The following GRIP1 variants were observed in gnomAD, a reference collection of about 807,000 sequenced individuals.
GRIP1 encodes the protein glutamate receptor-interacting protein 1.
A neutral mutation model predicts 129.9 loss-of-function variants in GRIP1; 45 were observed. The ratio of observed to expected loss-of-function variants is 0.35; its 90% CI spans 0.27 to 0.44. The LOEUF is 0.44. GRIP1 is among the 20% of genes least tolerant of loss of function. The pLI is 1.00. For missense variants in GRIP1, 1,196 were observed against 1,396.8 expected (o/e 0.86, Z 2.29); for synonymous variants, 530 against 520.8 (o/e 1.02, Z -0.24).
chr12:66,435,593 T>C (rs375384094), intron 13 of GRIP1, among the ~76,000 whole-genome samples: 11 of 152,214 alleles, frequency 7.2e-5, no homozygotes, highest in East Asian at 5.8e-4. Context: ...TCTGTATATC[T>C]GTATACGTAT....
chr12:66,827,555 G>T (rs1237102142), intron 1 of GRIP1, among the ~76,000 whole-genome samples: 2 of 152,082 alleles, frequency 1.3e-5, no homozygotes, highest in Non-Finnish European at 2.9e-5. Context: ...CAAGTCACAG[G>T]TGCTATCCAC....
intron 13 of GRIP1, among the ~76,000 whole-genome samples, chr12:66,440,360 T>C (rs2058437804): frequency 6.6e-6 from 1 of 152,182 alleles, no homozygotes; most frequent in South Asian, 2.1e-4. Context: ...GATTAAATTA[T>C]TTTTTACTTC....
In GRIP1 at chr12:66,353,425, G is replaced by C; in HGVS notation, c.3151C>G (p.Leu1051Val). 6.2e-7 allele frequency: 1 copy of C among 1,610,000 alleles called. No homozygotes were observed. Among genetic ancestry groups the C allele is most frequent in the Non-Finnish European group, 8.5e-7 (1 of 1,176,268 alleles). The change falls in exon 24 of 25, where the codon CTC (leucine) becomes GTC (valine). Residue 1051 changes from leucine (L) to valine (V), a missense_variant. By Grantham distance (32) the Leu-to-Val change is conservative. Transcript: ENST00000359742. ...TCCACCTGAGGTCTTACCTGTAAGA[G>C]CCTGTCATAGGGCTTTAAGCCACCA... is the stretch of plus-strand genomic sequence containing the variant. ...DLGGLKPYDR[L>V]LQVNHVRTRD... is the part of the protein sequence containing the mutation.
chr12:66,402,716 T>C (rs1035201684), intron 16 of GRIP1, among the ~76,000 whole-genome samples: 3 of 152,188 alleles, frequency 2.0e-5, no homozygotes, highest in African/African-American at 7.2e-5. Flanking sequence ...GTGGAGAATA[T>C]ACGCTGAATA....
chr12:66,964,939 GTGT>G (rs1365010573), intron 1 of GRIP1, among the ~76,000 whole-genome samples: 14 of 151,944 alleles, frequency 9.2e-5, no homozygotes, highest in Non-Finnish European at 2.1e-4. Flanking sequence ...GTGTCTCTTT[GTGT>G]GTCCAAATTT....
intron 1 of GRIP1, among the ~76,000 whole-genome samples, chr12:66,665,585 T>C (rs943712118): frequency 2.0e-5 from 3 of 152,184 alleles, no homozygotes; most frequent in Non-Finnish European, 4.4e-5. Flanking sequence ...GACTCAACAT[T>C]ATGTTTGTGA....
intron 1 of GRIP1, among the ~76,000 whole-genome samples, chr12:66,844,961 T>C (rs1384565343): frequency 2.6e-5 from 4 of 151,996 alleles, no homozygotes; most frequent in African/African-American, 9.7e-5. Context: ...GGCTGAGAAG[T>C]GATGGGAATG....
At chr12:66,857,087 G>A (rs2040018884) in intron 1 of GRIP1, among the ~76,000 whole-genome samples, 2 of 152,026 alleles carry the variant, frequency 1.3e-5, no homozygotes, top group African/African-American at 4.8e-5. Flanking sequence ...CATGGATGAA[G>A]CTGGAAACCA....
At chr12:66,390,569 A>G (rs2056544791) in intron 19 of GRIP1, among the ~76,000 whole-genome samples, 1 of 152,146 alleles carries the variant, frequency 6.6e-6, no homozygotes. Context: ...TTTGCTTCTC[A>G]TGGTCCTGTG....
At chr12:66,686,998 C>T (rs951573167) in intron 1 of GRIP1, among the ~76,000 whole-genome samples, 2 of 152,110 alleles carry the variant, frequency 1.3e-5, no homozygotes, top group African/African-American at 4.8e-5. Context: ...GGAGGTTGAG[C>T]TGTAGTGAAC....
At chr12:66,495,015 A>G (rs955350656) in intron 7 of GRIP1, among the ~76,000 whole-genome samples, 3 of 152,172 alleles carry the variant, frequency 2.0e-5, no homozygotes, top group African/African-American at 7.2e-5. Context: ...TACAATGTGT[A>G]AGGTACCTTG....
intron 2 of GRIP1, among the ~76,000 whole-genome samples, chr12:66,577,275 T>C (rs886324927): frequency 1.4e-5 from 2 of 142,406 alleles, no homozygotes; most frequent in African/African-American, 5.0e-5. Flanking sequence ...GAAACTTCAG[T>C]CCATCAGGGT....
At chr12:66,453,149 G>T (rs1432374598) in intron 11 of GRIP1, among the ~76,000 whole-genome samples, 1 of 152,182 alleles carries the variant, frequency 6.6e-6, no homozygotes, top group Non-Finnish European at 1.5e-5. Flanking sequence ...GCATATCAGT[G>T]ACAGCGCTGC....
intron 1 of GRIP1, among the ~76,000 whole-genome samples, chr12:66,702,971 C>G (rs917272436): frequency 6.6e-6 from 1 of 152,170 alleles, no homozygotes; most frequent in Non-Finnish European, 1.5e-5. Flanking sequence ...ATACACCGTA[C>G]TGATGACAGA....
At chr12:66,661,263 G>A (rs746951846) in intron 1 of GRIP1, among the ~76,000 whole-genome samples, 7 of 151,986 alleles carry the variant, frequency 4.6e-5, no homozygotes, top group Non-Finnish European at 5.9e-5. Flanking sequence ...TCAACTGGCC[G>A]AAGAGTGTAC....
intron 1 of GRIP1, among the ~76,000 whole-genome samples, chr12:66,885,568 T>TCAGATCACAGATCA (rs138658128): frequency 6.1e-4 from 92 of 151,932 alleles, no homozygotes; most frequent in Non-Finnish European, 9.3e-4. Flanking sequence ...TATGCTAAGA[T>TCAGATCACAGATCA]CAGATCACAG....
At chr12:66,358,190 C>A (rs890861325) in intron 23 of GRIP1, among the ~76,000 whole-genome samples, 8 of 152,108 alleles carry the variant, frequency 5.3e-5, no homozygotes, top group African/African-American at 1.9e-4. Context: ...CCACCACGCC[C>A]AGCCTATTCA....
chr12:67,000,218 C>T (rs2042531441), intron 1 of GRIP1, among the ~76,000 whole-genome samples: 1 of 152,092 alleles, frequency 6.6e-6, no homozygotes, highest in African/African-American at 2.4e-5. Flanking sequence ...GTAAGTACTA[C>T]AGGGCAAAAG....
At chr12:66,791,897 C>T (rs1168900475) in intron 1 of GRIP1, among the ~76,000 whole-genome samples, 1 of 152,066 alleles carries the variant, frequency 6.6e-6, no homozygotes, top group African/African-American at 2.4e-5. Flanking sequence ...TTAGCTCCCA[C>T]TCAAAAATGG....
Sources: gnomAD v4.1 joint callset for allele counts (sites outside exome capture counted in the v4.1 genomes callset) on GRCh38, gnomAD v4.1.1 for gene constraint, MANE v1.5 for transcripts, NCBI Gene and HGNC (gene_info 2026-07-23, HGNC 2026-07-21) for gene names.